Variants in SDHAF3 observed in about 807,000 individuals in gnomAD.
SDHAF3 encodes succinate dehydrogenase assembly factor 3, mitochondrial.
SDHAF3 carries 18 observed loss-of-function variants against 11.5 expected under a neutral mutation model. The ratio of observed to expected loss-of-function variants is 1.56; its 90% CI spans 1.08 to 2.32. The LOEUF (loss-of-function observed/expected upper bound fraction) is 2.32. Among genes scored for constraint, SDHAF3 ranks in the 30% most tolerant of loss-of-function variants. The pLI is 0.00. For missense variants in SDHAF3, 200 were observed against 154.4 expected (o/e 1.30, Z -1.57); for synonymous variants, 72 against 59.3 (o/e 1.21, Z -0.99).
At chr7:97,126,235 A>G (rs1791575710) in intron 1 of SDHAF3, among the ~76,000 whole-genome samples, 1 of 152,178 alleles carries the variant, frequency 6.6e-6, no homozygotes, top group Non-Finnish European at 1.5e-5. Context: ...GGTGTCTGTC[A>G]ACCCCTGTTG....
intron 1 of SDHAF3, among the ~76,000 whole-genome samples, chr7:97,143,115 C>T (rs112402453): frequency 0.15 from 22,326 of 151,486 alleles, 2,078 homozygotes; most frequent in East Asian, 0.29. Context: ...AGGCTGGTCT[C>T]GAACTCCTGG....
chr7:97,181,192 G>A lies in SDHAF3; in HGVS notation c.355G>A (p.Glu119Lys), dbSNP rs776314168. ...ACCCAATAGGCAATTTAGTATTTCT[G>A]AGTCTATGAAACCAAAATTTTAGTC... ...TKPNRQFSIS[E>K]SMKPKF Residue 119 changes from glutamate (E) to lysine (K), a missense_variant, in exon 2 of 2, where the codon GAG (glutamate) becomes AAG (lysine). By Grantham distance (56) the Glu-to-Lys change is moderately conservative. Transcript: ENST00000432641. 2 of 1,613,230 alleles carry A rather than the reference G, an allele frequency of 1.2e-6. No homozygotes were observed.
rs137994282 is a variant in SDHAF3 at position 97,148,899 on chromosome 7, A to G, written c.174+31002A>G. Among the ~76,000 whole-genome samples, 725 of 151,754 alleles carry G rather than the reference A, an allele frequency of 4.8e-3. 5 individuals are homozygous for G. The highest frequency in any genetic ancestry group is 0.017 in the African/African-American group (688 of 41,432). ...CTCCATGTACAGTAATTTAAAAAGT[A>G]GATTCTGATGCACAATCAGTAGATT... On this transcript the variant is annotated intron_variant, in intron 1 of 1. Coordinates refer to ENST00000432641, the MANE Select transcript of SDHAF3 (RefSeq NM_020186.3).
In SDHAF3 at chr7:97,122,917, C is replaced by CT. The variant is rs59277904; in HGVS notation, c.174+5032dup. Among the ~76,000 whole-genome samples the CT allele has an allele frequency of 2.2e-3, 324 of 146,926 alleles. 3 individuals are homozygous for CT. Among genetic ancestry groups the CT allele is most frequent in the South Asian group, 0.017 (78 of 4,642 alleles). ...TGTATAGTGCTGGAATTTTTCTTTT[C>CT]TTTTTTTTTTTTCCATCTGTATGTA... On this transcript the variant is annotated intron_variant, in intron 1 of 1. Coordinates refer to ENST00000432641, the MANE Select transcript of SDHAF3 (RefSeq NM_020186.3).
intron 1 of SDHAF3, among the ~76,000 whole-genome samples, chr7:97,172,927 T>C (rs1304092460): frequency 6.6e-6 from 1 of 152,252 alleles, no homozygotes; most frequent in Non-Finnish European, 1.5e-5. Context: ...ATTGGTTTTG[T>C]GGAAGACAGT....
intron 1 of SDHAF3, among the ~76,000 whole-genome samples, chr7:97,140,341 G>A (rs1214544496): frequency 9.6e-6 from 1 of 103,748 alleles, no homozygotes; most frequent in Non-Finnish European, 1.8e-5. Context: ...TCTTTTGGTA[G>A]TATTTTTTTT....
intron 1 of SDHAF3, among the ~76,000 whole-genome samples, chr7:97,173,212 G>A (rs973390902): frequency 6.6e-5 from 10 of 152,180 alleles, no homozygotes; most frequent in Non-Finnish European, 1.3e-4. Context: ...TTTCAAACCT[G>A]TAGTTGAAAG....
intron 1 of SDHAF3, among the ~76,000 whole-genome samples, chr7:97,147,481 G>C (rs1233203608): frequency 1.3e-5 from 2 of 152,034 alleles, no homozygotes; most frequent in Non-Finnish European, 2.9e-5. Flanking sequence ...CAAAATCTAG[G>C]GAACTAGTTT....
chr7:97,153,265 C>G (rs937413666), intron 1 of SDHAF3, among the ~76,000 whole-genome samples: 3 of 152,180 alleles, frequency 2.0e-5, no homozygotes, highest in Admixed American at 1.3e-4. Context: ...CTAGTTTTGC[C>G]TTTTCTGGCG....
intron 1 of SDHAF3, among the ~76,000 whole-genome samples, chr7:97,176,214 C>CA (rs1324750142): frequency 1.3e-5 from 2 of 152,200 alleles, no homozygotes; most frequent in African/African-American, 4.8e-5. Flanking sequence ...CAGCCCACTG[C>CA]ACCTGCTCTC....
chr7:97,121,319 ATGT>A (rs1791492238), intron 1 of SDHAF3, among the ~76,000 whole-genome samples: 1 of 152,226 alleles, frequency 6.6e-6, no homozygotes, highest in Non-Finnish European at 1.5e-5. Context: ...TAGATAAAAC[ATGT>A]TGGTGAGAGA....
At chr7:97,123,464 ATG>A (rs1791530604) in intron 1 of SDHAF3, among the ~76,000 whole-genome samples, 1 of 152,140 alleles carries the variant, frequency 6.6e-6, no homozygotes, top group Non-Finnish European at 1.5e-5. Flanking sequence ...ATACATGTGC[ATG>A]TGTGTTTATA....
chr7:97,179,832 TG>T, intron 1 of SDHAF3, among the ~76,000 whole-genome samples: 1 of 152,306 alleles, frequency 6.6e-6, no homozygotes, highest in Non-Finnish European at 1.5e-5. Flanking sequence ...AGTGGATTTC[TG>T]TAAATCATGG....
intron 1 of SDHAF3, among the ~76,000 whole-genome samples, chr7:97,149,203 C>G (rs12668701): frequency 0.032 from 4,893 of 152,080 alleles, 450 homozygotes; most frequent in East Asian, 0.29. Context: ...TCCCAAAGTG[C>G]TGGGATTACA....
chr7:97,150,813 T>C (rs892972766), intron 1 of SDHAF3, among the ~76,000 whole-genome samples: 5 of 151,966 alleles, frequency 3.3e-5, no homozygotes, highest in Admixed American at 6.6e-5. Flanking sequence ...CCTTCCGCCA[T>C]GGCCTCCCAA....
intron 1 of SDHAF3, among the ~76,000 whole-genome samples, chr7:97,178,508 T>C (rs963020863): frequency 6.6e-6 from 1 of 152,190 alleles, no homozygotes; most frequent in South Asian, 2.1e-4. Flanking sequence ...AGGATTCTAG[T>C]TTATTCCAAC....
rs190796293 is a variant in SDHAF3 at position 97,172,496 on chromosome 7, A to G, written c.175-8516A>G. Among the ~76,000 whole-genome samples the G allele has an allele frequency of 1.5e-3, 224 of 152,148 alleles. 1 individual carries two copies. Among genetic ancestry groups the G allele is most frequent in the African/African-American group, 5.0e-3 (206 of 41,490 alleles). On this transcript the variant is annotated intron_variant, in intron 1 of 1. Coordinates refer to ENST00000432641, the MANE Select transcript of SDHAF3 (RefSeq NM_020186.3). The stretch of plus-strand genomic sequence containing the variant: ...CATATTCAAATCCAATTCTCTTCCA[A>G]CACTGTTCATTATTGGAATCTTAAA...
chr7:97,140,234 A>G (rs561629665), intron 1 of SDHAF3, among the ~76,000 whole-genome samples: 2 of 152,282 alleles, frequency 1.3e-5, no homozygotes, highest in African/African-American at 4.8e-5. Context: ...GTGTCTTTCA[A>G]AACAACCTTC....
At chr7:97,125,861 A>C (rs978823092) in intron 1 of SDHAF3, among the ~76,000 whole-genome samples, 8 of 152,174 alleles carry the variant, frequency 5.3e-5, no homozygotes, top group South Asian at 2.1e-4. Flanking sequence ...TTCTCCATCC[A>C]GTTTTGTGTC....
Sources: gnomAD v4.1 joint callset for allele counts (sites outside exome capture counted in the v4.1 genomes callset) on GRCh38, gnomAD v4.1.1 for gene constraint, MANE v1.5 for transcripts, NCBI Gene and HGNC (gene_info 2026-07-23, HGNC 2026-07-21) for gene names.